The following TNR variants were observed in gnomAD, a reference collection of about 807,000 sequenced individuals.
TNR encodes the protein tenascin R.
A neutral mutation model predicts 150.4 loss-of-function variants in TNR; 45 were observed. The observed-to-expected ratio is 0.30, with a 90% CI of 0.24 to 0.38. TNR has a LOEUF of 0.38. Ranked by LOEUF, TNR falls within the 10% of genes least tolerant of loss-of-function variation. TNR has a pLI of 1.00. For synonymous variants in TNR, 687 were observed against 678.4 expected, an observed-to-expected ratio of 1.01 and a Z score of -0.20; for missense variants, 1,544 against 1,759.1, an observed-to-expected ratio of 0.88 and a Z score of 2.19.
chr1:175,671,440 G>A (rs1017245395), intron 1 of TNR, among the ~76,000 whole-genome samples: 2 of 152,128 alleles, frequency 1.3e-5, no homozygotes, highest in Non-Finnish European at 2.9e-5. Context: ...ACCCTTTCTG[G>A]GTTGGCAGAA....
At chr1:175,725,072 G>T (rs1443422580) in intron 1 of TNR, among the ~76,000 whole-genome samples, 1 of 152,204 alleles carries the variant, frequency 6.6e-6, no homozygotes, top group Admixed American at 6.5e-5. Context: ...GGAAGTGCTT[G>T]AAGGTTTTAA....
At chr1:175,607,712 G>A (rs1260716722) in intron 1 of TNR, among the ~76,000 whole-genome samples, 2 of 152,176 alleles carry the variant, frequency 1.3e-5, no homozygotes, top group African/African-American at 4.8e-5. Context: ...AGAGGGAAGG[G>A]CCAACAGTGA....
At chr1:175,468,495 A>G (rs1265000740) in intron 2 of TNR, among the ~76,000 whole-genome samples, 2 of 152,196 alleles carry the variant, frequency 1.3e-5, no homozygotes, top group African/African-American at 4.8e-5. Context: ...TCCTGATCCC[A>G]AGGAGCGTAG....
At chr1:175,394,479 G>C (rs1203771374) in intron 5 of TNR, among the ~76,000 whole-genome samples, 1 of 152,204 alleles carries the variant, frequency 6.6e-6, no homozygotes, top group Non-Finnish European at 1.5e-5. Flanking sequence ...AGGATGGTCT[G>C]AATTTTTCAT....
chr1:175,663,269 T>A (rs1043900242), intron 1 of TNR, among the ~76,000 whole-genome samples: 4 of 152,046 alleles, frequency 2.6e-5, no homozygotes, highest in African/African-American at 9.7e-5. Context: ...GAATCTCAAG[T>A]GAGACGCTGG....
At chr1:175,660,789 C>T (rs1015649704) in intron 1 of TNR, among the ~76,000 whole-genome samples, 6 of 152,150 alleles carry the variant, frequency 3.9e-5, no homozygotes, top group Non-Finnish European at 8.8e-5. Context: ...AACCATGGAG[C>T]ACTGAGTCTA....
chr1:175,700,353 G>A (rs938067481), intron 1 of TNR, among the ~76,000 whole-genome samples: 7 of 152,252 alleles, frequency 4.6e-5, no homozygotes, highest in Admixed American at 2.6e-4. Context: ...ACCTTCTGAC[G>A]CATGCCACAC....
rs1167985141 is a variant in TNR, at chr1:175,657,873, A to ATATATATATATATG, written c.-165+85352_-165+85353insCATATATATATATA. ...AACATGTATATATATATATATATAT[A>ATATATATATATATG]TATATATATATGTAACAAACCTGCA... is the stretch of plus-strand genomic sequence containing the variant. On this transcript the variant is annotated intron_variant, in intron 1 of 22. Coordinates refer to ENST00000367674, the MANE Select transcript of TNR (RefSeq NM_003285.3). Among the ~76,000 whole-genome samples, 11 of 127,376 alleles carry ATATATATATATATG rather than the reference A, an allele frequency of 8.6e-5. 1 individual carries two copies. The highest frequency in any genetic ancestry group is 3.1e-4 in the African/African-American group (11 of 35,262). The allele number at this position is 127,376 out of a possible 152,430, so 83.6% of individuals were successfully genotyped here.
chr1:175,490,540 C>T (rs1310027345), intron 2 of TNR, among the ~76,000 whole-genome samples: 1 of 151,880 alleles, frequency 6.6e-6, no homozygotes, highest in African/African-American at 2.4e-5. Context: ...AAAACCAATC[C>T]CATTAAAAAG....
rs1174449213 is a variant in TNR at position 175,742,993 on chromosome 1, CA to C, written c.-165+232del. Among the ~76,000 whole-genome samples, 368 of 152,046 alleles carry C rather than the reference CA, an allele frequency of 2.4e-3. 2 individuals carry two copies. Among genetic ancestry groups the C allele is most frequent in the African/African-American group, 5.3e-3 (221 of 41,480 alleles). ...ACACACACACACACACACACACACA[CA>C]CCCGCAAGGCCAGAGTCCAATCCCC... On this transcript the variant is annotated intron_variant, in intron 1 of 22. Transcript: ENST00000367674.
At chr1:175,572,341 ATTC>A (rs1233167332) in intron 1 of TNR, among the ~76,000 whole-genome samples, 1 of 152,230 alleles carries the variant, frequency 6.6e-6, no homozygotes, top group Non-Finnish European at 1.5e-5. Context: ...AAATATTTAC[ATTC>A]TTTAGTAATC....
chr1:175,599,517 C>G lies in TNR; in HGVS notation c.-164-71148G>C, dbSNP rs1558031120. On this transcript the variant is annotated intron_variant, in intron 1 of 22. Coordinates refer to ENST00000367674, the MANE Select transcript of TNR (RefSeq NM_003285.3). The surrounding 1 kb of genome is among the most constrained non-coding windows in gnomAD (Gnocchi z 4.7). ...TGACGGAGTAATTCGCAGATGCCAC[C>G]GAGCGGTGGGGCGGCGCGGTTAATG... Among the ~76,000 whole-genome samples the G allele has an allele frequency of 6.6e-6, 1 of 152,224 alleles. No homozygotes were observed. The highest frequency in any genetic ancestry group is 6.5e-5 in the Admixed American group (1 of 15,284).
At chr1:175,468,979 T>C (rs1225476221) in intron 2 of TNR, among the ~76,000 whole-genome samples, 1 of 151,800 alleles carries the variant, frequency 6.6e-6, no homozygotes, top group Non-Finnish European at 1.5e-5. Flanking sequence ...AGGGCAGACT[T>C]GAGAGATATT....
intron 2 of TNR, among the ~76,000 whole-genome samples, chr1:175,499,528 C>T (rs1337828119): frequency 2.0e-5 from 3 of 152,228 alleles, no homozygotes; most frequent in Non-Finnish European, 2.9e-5. Context: ...CCTCCACACC[C>T]TCCCTTCTGG....
At chr1:175,348,105 T>C (rs1205217594) in intron 18 of TNR, among the ~76,000 whole-genome samples, 1 of 152,186 alleles carries the variant, frequency 6.6e-6, no homozygotes, top group Non-Finnish European at 1.5e-5. Context: ...TTTTTCTACA[T>C]TGGTAATAAC....
At chr1:175,697,044 G>GAA (rs67198163) in intron 1 of TNR, among the ~76,000 whole-genome samples, 11 of 148,008 alleles carry the variant, frequency 7.4e-5, no homozygotes, top group African/African-American at 2.7e-4. Flanking sequence ...TTCTTTAAAA[G>GAA]AAAAAAAAAA....
intron 1 of TNR, among the ~76,000 whole-genome samples, chr1:175,713,052 A>G (rs947291022): frequency 5.9e-5 from 9 of 152,098 alleles, no homozygotes; most frequent in African/African-American, 2.2e-4. Context: ...GTCCATAAGG[A>G]GCCTCGCAGG....
chr1:175,559,103 T>A (rs536090385), intron 1 of TNR, among the ~76,000 whole-genome samples: 12 of 152,272 alleles, frequency 7.9e-5, no homozygotes, highest in African/African-American at 2.2e-4. Context: ...ATCTATTTTT[T>A]AAAAAAATTT....
At position 175,320,644 on chromosome 1, in the gene TNR, T is replaced by G. The variant is rs777893219; in HGVS notation, c.*2713A>C. ...CCCAGGTACCTGGTCTCTGTTTTTA[T>G]GGACAAAAAGAGTTCAGCCTCTCAC... On this transcript the variant is annotated 3_prime_UTR_variant, in exon 23 of 23. Transcript: ENST00000367674. 6.6e-6 allele frequency: 1 copy of G among 151,904 alleles called. No individual in the cohort carries two copies. Among genetic ancestry groups the G allele is most frequent in the Admixed American group, 6.6e-5 (1 of 15,250 alleles). 9.4% of individuals were successfully genotyped at this position (151,904 alleles called of 1,614,324 possible). A position where few individuals can be genotyped will look rare whatever the true frequency, so the allele number is the denominator to read the frequency against.
Sources: allele counts gnomAD v4.1 joint callset (sites outside exome capture counted in the v4.1 genomes callset), GRCh38; gene constraint gnomAD v4.1.1; non-coding constraint Gnocchi (gnomAD v3.1); transcripts MANE v1.5; gene names NCBI Gene and HGNC (gene_info 2026-07-23, HGNC 2026-07-21).